The following MAGI2 variants were observed in gnomAD, a reference collection of about 807,000 sequenced individuals.
MAGI2 encodes membrane associated guanylate kinase, WW and PDZ domain containing 2, also known as membrane-associated guanylate kinase, WW and PDZ domain-containing protein 2.
MAGI2 carries 35 observed loss-of-function variants against 133.3 expected under a neutral mutation model. The observed-to-expected ratio is 0.26, with a 90% CI of 0.20 to 0.35. The LOEUF (loss-of-function observed/expected upper bound fraction) is 0.35, where lower values mean the gene tolerates loss of function less well. Ranked by LOEUF, MAGI2 falls within the 10% of genes least tolerant of loss-of-function variation. MAGI2 has a pLI of 1.00. For synonymous variants in MAGI2, 729 were observed against 710.6 expected (o/e 1.03, Z -0.41); for missense variants, 1,636 against 1,863.4 (o/e 0.88, Z 2.25).
chr7:79,204,615 T>G (rs1330621402), intron 1 of MAGI2, among the ~76,000 whole-genome samples: 1 of 151,998 alleles, frequency 6.6e-6, no homozygotes, highest in African/African-American at 2.4e-5. Flanking sequence ...TCCCAGTGAC[T>G]AATCCTAAAT....
chr7:78,147,171 T>G (rs1373353263), intron 16 of MAGI2, among the ~76,000 whole-genome samples: 1 of 152,196 alleles, frequency 6.6e-6, no homozygotes. Context: ...GAATGCAATT[T>G]CGCATGACTG....
intron 9 of MAGI2, among the ~76,000 whole-genome samples, chr7:78,274,262 G>A (rs1313420983): frequency 1.3e-5 from 2 of 152,200 alleles, no homozygotes; most frequent in Non-Finnish European, 2.9e-5. Context: ...GGTATCACCA[G>A]CAGATGCTGC....
At chr7:78,896,490 T>C (rs1797222992) in intron 2 of MAGI2, among the ~76,000 whole-genome samples, 1 of 150,118 alleles carries the variant, frequency 6.7e-6, no homozygotes, top group African/African-American at 2.4e-5. Flanking sequence ...GTTTTGAATC[T>C]ATGGAAGTGA....
intron 2 of MAGI2, among the ~76,000 whole-genome samples, chr7:78,855,943 C>T (rs927213443): frequency 6.6e-6 from 1 of 152,166 alleles, no homozygotes; most frequent in African/African-American, 2.4e-5. Context: ...CAATGATTGC[C>T]ATTCTAACAG....
chr7:78,815,267 G>A (rs1357839696), intron 2 of MAGI2, among the ~76,000 whole-genome samples: 1 of 152,046 alleles, frequency 6.6e-6, no homozygotes, highest in Non-Finnish European at 1.5e-5. Context: ...TGGAACTACT[G>A]GAAAGTGATT....
At chr7:79,371,278 G>A (rs1843033537) in intron 1 of MAGI2, among the ~76,000 whole-genome samples, 1 of 151,964 alleles carries the variant, frequency 6.6e-6, no homozygotes, top group African/African-American at 2.4e-5. Flanking sequence ...GTACATTTAA[G>A]TTAGTAAATG....
intron 6 of MAGI2, among the ~76,000 whole-genome samples, chr7:78,411,398 C>G (rs1331589911): frequency 6.6e-6 from 1 of 151,986 alleles, no homozygotes; most frequent in Non-Finnish European, 1.5e-5. Flanking sequence ...AACATGGCAT[C>G]ATCAAATGCA....
At chr7:78,505,603 A>G (rs1173113683) in intron 4 of MAGI2, among the ~76,000 whole-genome samples, 1 of 152,228 alleles carries the variant, frequency 6.6e-6, no homozygotes, top group Non-Finnish European at 1.5e-5. Flanking sequence ...CAGTTATACA[A>G]TATTCAGTTA....
At chr7:78,609,830 A>G (rs1439734355) in intron 3 of MAGI2, among the ~76,000 whole-genome samples, 3 of 152,196 alleles carry the variant, frequency 2.0e-5, no homozygotes, top group Non-Finnish European at 2.9e-5. Context: ...TTTCAACTTG[A>G]TAAGTCCAGG....
intron 9 of MAGI2, among the ~76,000 whole-genome samples, chr7:78,279,074 C>T (rs1006711350): frequency 1.3e-5 from 2 of 152,138 alleles, no homozygotes; most frequent in East Asian, 3.9e-4. Flanking sequence ...TTTAACATAT[C>T]AGAACTGGTT....
At chr7:79,293,255 T>A (rs1585456696) in intron 1 of MAGI2, among the ~76,000 whole-genome samples, 1 of 152,170 alleles carries the variant, frequency 6.6e-6, no homozygotes, top group Non-Finnish European at 1.5e-5. Context: ...AAGCATACCA[T>A]CTAGTGTTAC....
intron 1 of MAGI2, among the ~76,000 whole-genome samples, chr7:79,111,178 G>C (rs964096460): frequency 6.6e-6 from 1 of 152,130 alleles, no homozygotes; most frequent in Non-Finnish European, 1.5e-5. Flanking sequence ...TGATTTATAA[G>C]ACAATTTAAA....
chr7:78,401,036 A>G (rs1158283336), intron 6 of MAGI2, among the ~76,000 whole-genome samples: 1 of 151,694 alleles, frequency 6.6e-6, no homozygotes, highest in Non-Finnish European at 1.5e-5. Context: ...GTCAGCTTCT[A>G]TCTAGAATGG....
intron 6 of MAGI2, among the ~76,000 whole-genome samples, chr7:78,457,520 T>C (rs1789447727): frequency 6.6e-6 from 1 of 152,178 alleles, no homozygotes; most frequent in African/African-American, 2.4e-5. Context: ...CTTCTGAGGA[T>C]TTTGTAATAT....
intron 1 of MAGI2, among the ~76,000 whole-genome samples, chr7:79,281,673 A>T (rs1835651229): frequency 6.6e-6 from 1 of 152,176 alleles, no homozygotes; most frequent in African/African-American, 2.4e-5. Flanking sequence ...GGTAAAATGA[A>T]GTTATGGAAA....
chr7:78,597,959 A>G (rs1003582186), intron 3 of MAGI2, among the ~76,000 whole-genome samples: 7 of 152,090 alleles, frequency 4.6e-5, no homozygotes, highest in African/African-American at 1.7e-4. Flanking sequence ...TCATTTTGTA[A>G]TCACTATAGT....
chr7:79,102,059 A>G (rs1165837080), intron 1 of MAGI2, among the ~76,000 whole-genome samples: 1 of 152,106 alleles, frequency 6.6e-6, no homozygotes, highest in East Asian at 1.9e-4. Context: ...TATTTTCTAC[A>G]ACATGATTGT....
chr7:78,485,670 T>A (rs1792922228), intron 6 of MAGI2: 1 of 152,000 alleles, frequency 6.6e-6, no homozygotes, highest in Admixed American at 6.6e-5. Context: ...TAAACAGATC[T>A]GAAGGTGCAA....
chr7:79,235,088 C>T (rs1831771371), intron 1 of MAGI2, among the ~76,000 whole-genome samples: 1 of 151,630 alleles, frequency 6.6e-6, no homozygotes, highest in Non-Finnish European at 1.5e-5. Flanking sequence ...TGGGGGGTGC[C>T]TCCCAGTTAG....
Sources: allele counts gnomAD v4.1 joint callset (sites outside exome capture counted in the v4.1 genomes callset), GRCh38; gene constraint gnomAD v4.1.1; transcripts MANE v1.5; gene names NCBI Gene and HGNC (gene_info 2026-07-23, HGNC 2026-07-21).